The following RBP7 variants were observed in gnomAD, a reference collection of about 807,000 sequenced individuals.
RBP7 encodes the protein retinoid-binding protein 7.
Under a neutral mutation model 16.7 loss-of-function variants are expected in RBP7, and 13 were observed. That is an observed-to-expected ratio of 0.78 (90% confidence interval 0.51 to 1.24). The LOEUF is 1.24. RBP7 is among the 50% of genes most tolerant of loss of function. The pLI is 0.00. For synonymous variants in RBP7, 54 were observed against 56.2 expected (o/e 0.96, Z 0.17); for missense variants, 145 against 159.5 (o/e 0.91, Z 0.49).
At position 10,008,167 on chromosome 1, in the gene RBP7, A is replaced by G. The variant is rs1642501724; in HGVS notation, c.253-6A>G. On this transcript the variant is annotated splice_region_variant and splice_polypyrimidine_tract_variant and intron_variant, in intron 2 of 3. Coordinates refer to ENST00000294435, the MANE Select transcript of RBP7 (RefSeq NM_052960.3). ...CAAGCTAACATTTTCTCCTCTCTTC[A>G]TGCAGAGTTTGGTTATCTGGGACAA... 6.3e-7 allele frequency: 1 copy of G among 1,581,304 alleles called. No individual in the cohort carries two copies. The highest frequency in any genetic ancestry group is 1.7e-4 in the Middle Eastern group (1 of 6,010).
At chr1:10,007,489 G>T (rs1036728435) in intron 1 of RBP7, 81 bp from the exon 2 acceptor site, 13 of 985,526 alleles carry the variant, frequency 1.3e-5, no homozygotes, top group Non-Finnish European at 1.9e-5. Context: ...ATTACATGTG[G>T]TGATTTTGAG....
At chr1:10,002,547 TG>T (rs1642307363) in intron 1 of RBP7, among the ~76,000 whole-genome samples, 1 of 152,112 alleles carries the variant, frequency 6.6e-6, no homozygotes, top group South Asian at 2.1e-4. Context: ...TTGCCCAGGC[TG>T]GAGTGTAGTG....
intron 1 of RBP7, 137 bp from the exon 2 acceptor site, chr1:10,007,433 G>A (rs1642478052): frequency 1.4e-6 from 1 of 712,060 alleles, no homozygotes; most frequent in Non-Finnish European, 2.3e-6. Flanking sequence ...TTGTAGATCT[G>A]ATTTTGGCAG....
At chr1:10,008,783 G>A (rs569460145) in intron 3 of RBP7, among the ~76,000 whole-genome samples, 28 of 152,034 alleles carry the variant, frequency 1.8e-4, no homozygotes, top group African/African-American at 4.8e-4. Context: ...GCATAGTGGC[G>A]CATGCCTATA....
intron 1 of RBP7, among the ~76,000 whole-genome samples, chr1:9,999,814 CTTTTTTTT>C (rs70998341): frequency 3.3e-4 from 35 of 105,880 alleles, no homozygotes; most frequent in Admixed American, 8.6e-4. Flanking sequence ...CTGTAATACT[CTTTTTTTT>C]TTTTTTTTTT....
chr1:10,012,731 C>T (rs765999956), intron 3 of RBP7, among the ~76,000 whole-genome samples: 9 of 151,650 alleles, frequency 5.9e-5, no homozygotes, highest in Admixed American at 3.3e-4. Flanking sequence ...GTCAGGAGTT[C>T]GAGACCAGCC....
intron 1 of RBP7, among the ~76,000 whole-genome samples, chr1:9,999,547 C>A (rs1474247489): frequency 6.6e-6 from 1 of 151,984 alleles, no homozygotes; most frequent in Admixed American, 6.6e-5. Flanking sequence ...GAGTGAAACT[C>A]TGTCTAAAAT....
At chr1:10,000,229 A>G (rs1308342613) in intron 1 of RBP7, among the ~76,000 whole-genome samples, 1 of 151,582 alleles carries the variant, frequency 6.6e-6, no homozygotes, top group Admixed American at 6.6e-5. Flanking sequence ...CTCCATCTTG[A>G]AAAAAAATAA....
chr1:10,012,939 CAAA>C (rs760583223), intron 3 of RBP7, among the ~76,000 whole-genome samples: 47 of 71,334 alleles, frequency 6.6e-4, no homozygotes, highest in African/African-American at 1.8e-3. Context: ...GAAACTGTCT[CAAA>C]AAAAAAAAAA....
At chr1:10,007,816 GCAGGCGGACCA>G in intron 2 of RBP7, 68 bp downstream of exon 2, 1 of 1,425,264 alleles carries the variant, frequency 7.0e-7, no homozygotes, top group African/African-American at 1.4e-5. Context: ...GGAGGCCAAC[GCAGGCGGACCA>G]CCTGAGGTCA....
intron 1 of RBP7, among the ~76,000 whole-genome samples, chr1:9,998,759 AT>A (rs1459932254): frequency 6.6e-6 from 1 of 151,934 alleles, no homozygotes; most frequent in African/African-American, 2.4e-5. Context: ...AGGGGCATTT[AT>A]TTTGCTCTTT....
intron 3 of RBP7, among the ~76,000 whole-genome samples, chr1:10,009,037 G>A (rs550055956): frequency 2.6e-4 from 39 of 152,198 alleles, no homozygotes; most frequent in African/African-American, 8.7e-4. Context: ...TGAAAAGGAC[G>A]CCATTTTTCC....
intron 1 of RBP7, among the ~76,000 whole-genome samples, chr1:10,006,688 G>A (rs917488431): frequency 6.8e-6 from 1 of 147,534 alleles, no homozygotes; most frequent in African/African-American, 2.5e-5. Flanking sequence ...GAGTGAGACT[G>A]TGTCTCGGAA....
Position 9,997,458 on chromosome 1 carries a change from G to A in RBP7, c.73+127G>A, listed in dbSNP as rs908316576. ...CCTCCGCCCTGCTGCGCCCACCGTC[G>A]CCCAGTCGCCCCCGAGTCCGCTGGT... On this transcript the variant is annotated intron_variant, in intron 1 of 3. Transcript: ENST00000294435. This position sits in a 1 kb window ranked among gnomAD's most constrained non-coding sequence, Gnocchi z 5.9. 1.3e-5 allele frequency: 11 copies of A among 851,934 alleles called. No homozygotes were observed. The African/African-American group carries it at 2.0e-4, about 15-fold the overall frequency. 52.8% of individuals were successfully genotyped at this position (851,934 alleles called of 1,614,324 possible).
chr1:10,013,847 G>A (rs1246724905), intron 3 of RBP7, among the ~76,000 whole-genome samples: 2 of 151,866 alleles, frequency 1.3e-5, no homozygotes, highest in Admixed American at 1.3e-4. Context: ...ATGGTGATGG[G>A]TGCCTGTAGT....
intron 3 of RBP7, among the ~76,000 whole-genome samples, chr1:10,009,876 C>G (rs1206514178): frequency 6.6e-6 from 1 of 151,930 alleles, no homozygotes; most frequent in Non-Finnish European, 1.5e-5. Context: ...CTTTTCCTTT[C>G]TTTTTCTTTT....
intron 3 of RBP7, among the ~76,000 whole-genome samples, chr1:10,014,134 C>T (rs144933373): frequency 1.2e-4 from 19 of 152,260 alleles, no homozygotes; most frequent in African/African-American, 3.8e-4. Flanking sequence ...CTTTCAGCCT[C>T]ATCCCTGAGG....
intron 1 of RBP7, among the ~76,000 whole-genome samples, chr1:10,002,738 A>C (rs556323596): frequency 6.6e-6 from 1 of 152,222 alleles, no homozygotes; most frequent in East Asian, 1.9e-4. Flanking sequence ...TCCTGGCCTC[A>C]AGTGATCTGC....
Position 10,013,239 on chromosome 1 carries a change from A to G in RBP7, c.355-2543A>G, listed in dbSNP as rs1030247383. On this transcript the variant is annotated intron_variant, in intron 3 of 3. Coordinates refer to ENST00000294435, the MANE Select transcript of RBP7 (RefSeq NM_052960.3). ...AGGCGCCCGCTACCATGCCCAGCTA[A>G]TTTTTATATTTTTAGTACAGACAGG... 4.0e-5 allele frequency among the ~76,000 whole-genome samples: 6 copies of G among 151,674 alleles called. No homozygotes were observed. The East Asian group carries it at 1.2e-3, about 30-fold the overall frequency.
Sources: gnomAD v4.1 joint callset for allele counts (sites outside exome capture counted in the v4.1 genomes callset) on GRCh38, gnomAD v4.1.1 for gene constraint, Gnocchi (gnomAD v3.1) non-coding constraint, MANE v1.5 for transcripts, NCBI Gene and HGNC (gene_info 2026-07-23, HGNC 2026-07-21) for gene names.